EIF2D: variants seen among roughly 807,000 people sequenced by gnomAD.
EIF2D encodes the protein hepatocellular carcinoma-associated antigen 56.
Under a neutral mutation model 77.4 loss-of-function variants are expected in EIF2D, and 56 were observed. The observed-to-expected ratio is 0.72, with a 90% CI of 0.58 to 0.90. The LOEUF (loss-of-function observed/expected upper bound fraction) is 0.90, where lower values mean the gene tolerates loss of function less well. EIF2D is among the 40% of genes least tolerant of loss of function. EIF2D has a pLI of 0.00. For synonymous variants in EIF2D, 230 were observed against 271.0 expected, an observed-to-expected ratio of 0.85 and a Z score of 1.49; for missense variants, 574 against 706.5, an observed-to-expected ratio of 0.81 and a Z score of 2.13.
chr1:206,575,854 C>G (rs6660116), intron 4 of EIF2D, among the ~76,000 whole-genome samples: 81,352 of 152,066 alleles, frequency 0.53, 21,891 homozygotes, highest in Middle Eastern at 0.68. Flanking sequence ...CTGAGCCACA[C>G]GGCTAACGCC....
In EIF2D at chr1:206,584,123, T is replaced by C. The variant is rs539161693; in HGVS notation, c.139-2961A>G. ...ACCAAAGGCAACTGGTTACAGGAGG[T>C]TTAGGGAGCTGGCCTGAGCCTCCTG... On this transcript the variant is annotated intron_variant and NMD_transcript_variant, in intron 2 of 5. Transcript: ENST00000472709. This position sits in a 1 kb window ranked among gnomAD's most constrained non-coding sequence, Gnocchi z 4.9. Among the ~76,000 whole-genome samples, 1 of 152,112 alleles carries C rather than the reference T, an allele frequency of 6.6e-6. No homozygotes were observed. Among genetic ancestry groups the C allele is most frequent in the East Asian group, 1.9e-4 (1 of 5,170 alleles).
intron 13 of EIF2D, 88 bp from the exon 14 acceptor site, chr1:206,593,881 A>G: frequency 8.0e-7 from 1 of 1,243,610 alleles, no homozygotes; most frequent in Non-Finnish European, 1.1e-6. Context: ...CAGCCTTCTG[A>G]GCCCCTGTGT....
chr1:206,588,097 CCG>C (rs1669196306), downstream of EIF2D: 1 of 152,798 alleles, frequency 6.5e-6, no homozygotes, highest in Non-Finnish European at 1.5e-5. Flanking sequence ...GCTCGGAGAG[CCG>C]GTGGGCCTGG....
Position 206,603,104 on chromosome 1 carries a change from G to C in EIF2D, c.631C>G (p.Leu211Val). 1.2e-6 allele frequency: 2 copies of C among 1,614,150 alleles called. No individual in the cohort carries two copies. The highest frequency in any genetic ancestry group is 1.7e-6 in the Non-Finnish European group (2 of 1,180,042). Residue 211 changes from leucine (L) to valine (V), a missense_variant, in exon 6 of 15, where the codon CTG becomes GTG. Coordinates refer to ENST00000271764, the MANE Select transcript of EIF2D (RefSeq NM_006893.3). ...GTCATGTGCCTCATGTCTCCCTGCA[G>C]GGTGGAGTCCATCTGGACAGACCCC... is the stretch of plus-strand genomic sequence containing the variant. ...EKGSVQMDST[L>V]QGDMRHMTLE...
chr1:206,608,153 T>C, intron 4 of EIF2D, 83 bp downstream of exon 4: 2 of 1,345,996 alleles, frequency 1.5e-6, no homozygotes, highest in South Asian at 1.3e-5. Context: ...CTTTTGTTCA[T>C]ATGCTTTATA....
rs1553414217 is a variant in EIF2D at position 206,612,272 on chromosome 1, C to T, written c.56+15G>A. 2 of 1,614,260 alleles carry T rather than the reference C, an allele frequency of 1.2e-6. No individual in the cohort carries two copies. Among genetic ancestry groups the T allele is most frequent in the South Asian group, 2.2e-5 (2 of 91,088 alleles). On this transcript the variant is annotated intron_variant, in intron 1 of 14. Transcript: ENST00000271764. ...TGGTTGTTCCGTGGCAGAGCAGGCC[C>T]CTTTCCTCCCTCACCTGTCCGACCC...
intron 14 of EIF2D, 105 bp downstream of exon 14, chr1:206,593,506 AGAGTGTGT>A (rs1191160164): frequency 8.1e-5 from 36 of 442,710 alleles, no homozygotes; most frequent in Non-Finnish European, 9.0e-5. Context: ...AGAGAGAGAG[AGAGTGTGT>A]GTGTGTGTGT....
chr1:206,591,505 G>A, downstream of EIF2D: 1 of 492,552 alleles, frequency 2.0e-6, no homozygotes, highest in Non-Finnish European at 3.6e-6. Flanking sequence ...TGCCTGGAAA[G>A]CAGGGAAGGA....
chr1:206,587,213 A>T, downstream of EIF2D: 1 of 499,480 alleles, frequency 2.0e-6, no homozygotes. Flanking sequence ...AACTCATGTG[A>T]AACAAACAGC....
At chr1:206,591,365 C>T (rs188431844), downstream of EIF2D, among the ~76,000 whole-genome samples, 18 of 152,252 alleles carry the variant, frequency 1.2e-4, no homozygotes, top group East Asian at 1.5e-3. Context: ...CTGTTTTCTA[C>T]GTGACTAACC....
chr1:206,574,955 G>A (rs1351990887), intron 4 of EIF2D, among the ~76,000 whole-genome samples: 1 of 150,476 alleles, frequency 6.6e-6, no homozygotes, highest in African/African-American at 2.5e-5. Context: ...TGCCTCCCAG[G>A]TTCAAGCGAT....
chr1:206,601,553 AGAGT>A (rs1489354033), intron 7 of EIF2D: 1 of 152,252 alleles, frequency 6.6e-6, no homozygotes, highest in African/African-American at 2.4e-5. Context: ...CCTGGGTGAC[AGAGT>A]GAAACTGTGT....
At chr1:206,590,617 A>C (rs1417664542), downstream of EIF2D, among the ~76,000 whole-genome samples, 4 of 152,268 alleles carry the variant, frequency 2.6e-5, no homozygotes, top group Admixed American at 2.6e-4. Flanking sequence ...GAAATTAAGG[A>C]GTTTACTCAT....
Position 206,600,571 on chromosome 1 carries a change from G to A in EIF2D, c.903-263C>T, listed in dbSNP as rs533308472. The A allele has an allele frequency of 4.7e-4, 195 of 416,578 alleles. 1 individual carries two copies. Among genetic ancestry groups the A allele is most frequent in the Middle Eastern group, 3.8e-3 (6 of 1,568 alleles). 25.8% of individuals were successfully genotyped at this position (416,578 alleles called of 1,614,324 possible). A position where few individuals can be genotyped will look rare whatever the true frequency, so the allele number is the denominator to read the frequency against. ...ACAGGGCAGCCATTAGCCACATGTG[G>A]GTAGTAAGTACTTGAAGTGTGACTA... On this transcript the variant is annotated intron_variant, in intron 7 of 14. Transcript: ENST00000271764.
intron 12 of EIF2D, among the ~76,000 whole-genome samples, chr1:206,596,635 T>C (rs190360934): frequency 6.6e-6 from 1 of 152,358 alleles, no homozygotes; most frequent in East Asian, 1.9e-4. Context: ...CTGCATCTTA[T>C]TGAAGTTTTA....
At chr1:206,573,628 T>C (rs1424515935) in intron 4 of EIF2D, among the ~76,000 whole-genome samples, 5 of 152,184 alleles carry the variant, frequency 3.3e-5, no homozygotes, top group Non-Finnish European at 7.3e-5. Flanking sequence ...CCACCAGGCA[T>C]AGAGAAGTAG....
chr1:206,585,774 C>A (rs4501842), intron 2 of EIF2D: 64,918 of 153,090 alleles, frequency 0.42, 13,889 homozygotes, highest in South Asian at 0.55. Flanking sequence ...CAGGCCGGTG[C>A]CACCCATGGC....
In EIF2D at chr1:206,595,838, C is replaced by A; in HGVS notation, c.1389G>T (p.Arg463Ser). ...AGGCAGGCTGTAATTTTTCCAAACA[C>A]CTGAAACAGAAGTTATGAGTTGCAA... ...MKLPWDSLLT[R>S]CLEKLQPAYQ... The change falls in exon 13 of 15, where the codon AGG (arginine) becomes AGT (serine). Residue 463 changes from arginine (R) to serine (S), a missense_variant and splice_region_variant. By Grantham distance (110) the Arg-to-Ser change is moderately radical. Coordinates refer to ENST00000271764, the MANE Select transcript of EIF2D (RefSeq NM_006893.3). 1.2e-6 allele frequency: 2 copies of A among 1,613,952 alleles called. No homozygotes were observed. Among genetic ancestry groups the A allele is most frequent in the Non-Finnish European group, 1.7e-6 (2 of 1,179,906 alleles).
intron 5 of EIF2D, chr1:206,603,481 C>G (rs532015615): frequency 3.0e-6 from 1 of 330,544 alleles, no homozygotes; most frequent in African/African-American, 2.1e-5. Flanking sequence ...CATCCCAAGA[C>G]TGAGAAAGAT....
Sources: gnomAD v4.1 joint callset for allele counts (sites outside exome capture counted in the v4.1 genomes callset) on GRCh38, gnomAD v4.1.1 for gene constraint, Gnocchi (gnomAD v3.1) non-coding constraint, MANE v1.5 for transcripts, NCBI Gene and HGNC (gene_info 2026-07-23, HGNC 2026-07-21) for gene names.